DNAAF11: variants seen among roughly 807,000 people sequenced by gnomAD.
DNAAF11 encodes leucine rich repeat containing 6.
A neutral mutation model predicts 60.8 loss-of-function variants in DNAAF11; 45 were observed. That is an observed-to-expected ratio of 0.74 (90% confidence interval 0.58 to 0.95). The LOEUF (loss-of-function observed/expected upper bound fraction) is 0.95, where lower values mean the gene tolerates loss of function less well. DNAAF11 is among the 40% of genes least tolerant of loss of function. The pLI, the probability that DNAAF11 is intolerant of heterozygous loss-of-function variation, is 0.00. For synonymous variants in DNAAF11, 191 were observed against 183.5 expected (o/e 1.04, Z -0.33); for missense variants, 546 against 546.2 (o/e 1.00, Z 0.00).
chr8:132,628,584 T>A (rs1820507579), intron 5 of DNAAF11, among the ~76,000 whole-genome samples: 1 of 152,162 alleles, frequency 6.6e-6, no homozygotes, highest in Admixed American at 6.5e-5. Flanking sequence ...TTCATCTCCC[T>A]TTCTTGCAGC....
chr8:132,595,102 T>C lies in DNAAF11; in HGVS notation c.1141-11323A>G, dbSNP rs954023846. Reference sequence around the variant, plus strand: ...GAGTCAATTAAACCTCTTTCCTTTATAAATTACCCAGTCTTGGGTATTTAT... The same window carrying C: ...GAGTCAATTAAACCTCTTTCCTTTACAAATTACCCAGTCTTGGGTATTTAT... On this transcript the variant is annotated intron_variant, in intron 10 of 11. Coordinates refer to ENST00000620350, the MANE Select transcript of DNAAF11 (RefSeq NM_012472.6). 5.3e-5 allele frequency among the ~76,000 whole-genome samples: 8 copies of C among 152,112 alleles called. No individual in the cohort carries two copies. The South Asian group carries it at 1.7e-3, about 32-fold the overall frequency.
the DNAAF11 span, among the ~76,000 whole-genome samples, chr8:132,689,692 T>C: frequency 2.8e-5 from 4 of 144,140 alleles, no homozygotes; most frequent in African/African-American, 1.1e-4. Context: ...TGTGTGTGTA[T>C]GTACGTGTGT....
the DNAAF11 span, among the ~76,000 whole-genome samples, chr8:132,700,029 C>T: frequency 1.3e-5 from 2 of 152,226 alleles, no homozygotes; most frequent in Non-Finnish European, 2.9e-5. Context: ...TGTTCTGGAA[C>T]CACAGTGTTG....
chr8:132,583,389 G>A (rs1815534554), intron 11 of DNAAF11, among the ~76,000 whole-genome samples: 1 of 152,132 alleles, frequency 6.6e-6, no homozygotes, highest in Non-Finnish European at 1.5e-5. Context: ...TATGGGTAAA[G>A]CACACAGAAT....
At position 132,633,057 on chromosome 8, in the gene DNAAF11, G is replaced by A. The variant is rs118109944; in HGVS notation, c.430-94C>T. 0.02 allele frequency: 13,427 copies of A among 685,932 alleles called. 177 individuals carry two copies. Among genetic ancestry groups the A allele is most frequent in the African/African-American group, 0.039 (2,189 of 55,480 alleles). 42.5% of individuals were successfully genotyped at this position (685,932 alleles called of 1,614,324 possible). On this transcript the variant is annotated intron_variant, in intron 4 of 11. Coordinates refer to ENST00000620350, the MANE Select transcript of DNAAF11 (RefSeq NM_012472.6). ...TTTGATTAGAAATAATAATATACCCGATAGTGATAGAGAATTAAAACAATA... is the reference window on the plus strand; with the variant it reads ...TTTGATTAGAAATAATAATATACCCAATAGTGATAGAGAATTAAAACAATA...
At chr8:132,693,423 G>GT in the DNAAF11 span, among the ~76,000 whole-genome samples, 2 of 149,664 alleles carry the variant, frequency 1.3e-5, no homozygotes, top group Admixed American at 1.3e-4. Context: ...ATAAAAACAT[G>GT]TTTTATGTAA....
At chr8:132,638,876 A>G (rs1028244374) in intron 3 of DNAAF11, among the ~76,000 whole-genome samples, 1 of 152,192 alleles carries the variant, frequency 6.6e-6, no homozygotes, top group African/African-American at 2.4e-5. Context: ...TTTGGAGGCT[A>G]GGAGTCCAGA....
chr8:132,608,282 A>T, intron 10 of DNAAF11: 1 of 180,412 alleles, frequency 5.5e-6, no homozygotes, highest in South Asian at 1.2e-4. Flanking sequence ...AGTAGTCGAA[A>T]ATCTTAAAAA....
intron 3 of DNAAF11, among the ~76,000 whole-genome samples, chr8:132,655,758 A>C (rs1417620086): frequency 6.6e-6 from 1 of 151,094 alleles, no homozygotes; most frequent in Non-Finnish European, 1.5e-5. Context: ...ATCAAATCAG[A>C]AGCACAATAA....
the DNAAF11 span, among the ~76,000 whole-genome samples, chr8:132,694,233 G>A: frequency 2.6e-5 from 4 of 152,216 alleles, no homozygotes; most frequent in African/African-American, 9.7e-5. Context: ...GATATAGGTT[G>A]TAAGAGAAAG....
At chr8:132,625,740 C>G (rs1361766574) in intron 5 of DNAAF11, among the ~76,000 whole-genome samples, 3 of 152,158 alleles carry the variant, frequency 2.0e-5, no homozygotes, top group Admixed American at 2.0e-4. Flanking sequence ...GTTCACAGAC[C>G]TGACTGCTAA....
chr8:132,629,280 G>C (rs1820569157), intron 5 of DNAAF11, among the ~76,000 whole-genome samples: 1 of 150,928 alleles, frequency 6.6e-6, no homozygotes, highest in African/African-American at 2.4e-5. Context: ...TTAATGATGA[G>C]AAATTGCACA....
At chr8:132,669,880 G>A (rs1432798302) in intron 1 of DNAAF11, among the ~76,000 whole-genome samples, 2 of 147,232 alleles carry the variant, frequency 1.4e-5, no homozygotes, top group Non-Finnish European at 3.0e-5. Flanking sequence ...GGCAGAGCTT[G>A]CAGTAAGCTG....
chr8:132,702,361 C>T, the DNAAF11 span: 29 of 152,336 alleles, frequency 1.9e-4, no homozygotes, highest in African/African-American at 6.5e-4. Flanking sequence ...ACATATATGT[C>T]TATCTGACCT....
At chr8:132,668,681 T>A (rs1472639805) in intron 1 of DNAAF11, among the ~76,000 whole-genome samples, 2 of 151,996 alleles carry the variant, frequency 1.3e-5, no homozygotes, top group Non-Finnish European at 2.9e-5. Flanking sequence ...TGACCTCATG[T>A]TCCACCCCCC....
the DNAAF11 span, among the ~76,000 whole-genome samples, chr8:132,685,885 G>T: frequency 6.6e-6 from 1 of 152,092 alleles, no homozygotes; most frequent in Non-Finnish European, 1.5e-5. Context: ...GGGCATAAGG[G>T]TCCCATTAAT....
intron 7 of DNAAF11, among the ~76,000 whole-genome samples, chr8:132,616,566 G>A: frequency 6.6e-6 from 1 of 152,138 alleles, no homozygotes; most frequent in African/African-American, 2.4e-5. Flanking sequence ...GCCAAGGGGT[G>A]AATGTGTGTT....
rs548186780 is a variant in DNAAF11 at position 132,634,375 on chromosome 8, G to C, written c.430-1412C>G. On this transcript the variant is annotated intron_variant, in intron 4 of 11. Coordinates refer to ENST00000620350, the MANE Select transcript of DNAAF11 (RefSeq NM_012472.6). ...TAATGGAGATATTGAGAGATGTCAA[G>C]CATTGTTTCTGTAGAAATATGGCCA... Among the ~76,000 whole-genome samples, 4 of 152,270 alleles carry C rather than the reference G, an allele frequency of 2.6e-5. No homozygotes were observed. The East Asian group carries it at 7.7e-4, about 29-fold the overall frequency.
intron 1 of DNAAF11, among the ~76,000 whole-genome samples, chr8:132,661,962 G>A (rs558725886): frequency 5.3e-4 from 80 of 152,308 alleles, no homozygotes; most frequent in Admixed American, 7.2e-4. Context: ...GTGGTACCAT[G>A]TTAAAATGGA....
Sources: gnomAD v4.1 joint callset for allele counts (sites outside exome capture counted in the v4.1 genomes callset) on GRCh38, gnomAD v4.1.1 for gene constraint, MANE v1.5 for transcripts, NCBI Gene and HGNC (gene_info 2026-07-23, HGNC 2026-07-21) for gene names.